Variants in DGKK observed in about 807,000 individuals in gnomAD.
DGKK encodes the protein 142 kDa diacylglycerol kinase.
Under a neutral mutation model 92.2 loss-of-function variants are expected in DGKK, and 35 were observed. The ratio of observed to expected loss-of-function variants is 0.38; its 90% CI spans 0.29 to 0.50. The LOEUF (loss-of-function observed/expected upper bound fraction) is 0.50. Ranked by LOEUF, DGKK falls within the 20% of genes least tolerant of loss-of-function variation. The pLI is 0.92. For synonymous variants in DGKK, 368 were observed against 360.6 expected, an observed-to-expected ratio of 1.02 and a Z score of -0.23; for missense variants, 910 against 992.2, an observed-to-expected ratio of 0.92 and a Z score of 1.11.
At chrX:50,385,947 A>G (rs782689060) in intron 15 of DGKK, among the ~76,000 whole-genome samples, 2 of 112,096 alleles carry the variant, frequency 1.8e-5, no homozygotes, top group Admixed American at 1.9e-4. Context: ...TGTGCAACAC[A>G]TGCAGAGTTG....
At chrX:50,408,636 G>A (rs1205687769) in intron 4 of DGKK, among the ~76,000 whole-genome samples, 1 of 111,120 alleles carries the variant, frequency 9.0e-6, no homozygotes, top group Non-Finnish European at 1.9e-5. Context: ...GCCCGCCTCG[G>A]CCTCCCAAAG....
intron 9 of DGKK, among the ~76,000 whole-genome samples, chrX:50,392,863 T>C (rs1924736190): frequency 8.9e-6 from 1 of 112,260 alleles, no homozygotes; most frequent in Non-Finnish European, 1.9e-5. Context: ...CATTTGTCTC[T>C]TTCTCTCAGG....
At chrX:50,423,001 G>A (rs1353755752) in intron 2 of DGKK, among the ~76,000 whole-genome samples, 1 of 112,130 alleles carries the variant, frequency 8.9e-6, no homozygotes, top group Non-Finnish European at 1.9e-5. Context: ...CTAGCCAGCA[G>A]CAGGAAATCA....
chrX:50,430,852 A>G (rs1220710523), intron 1 of DGKK, among the ~76,000 whole-genome samples: 1 of 111,638 alleles, frequency 9.0e-6, no homozygotes, highest in East Asian at 2.8e-4. Context: ...TATTTATAAA[A>G]TATCTTCTAT....
intron 8 of DGKK, among the ~76,000 whole-genome samples, chrX:50,397,200 T>C (rs1924874956): frequency 9.0e-6 from 1 of 111,696 alleles, no homozygotes; most frequent in Admixed American, 9.5e-5. Context: ...AAAGAACCTT[T>C]CAAAAAAAGC....
chrX:50,461,649 T>C (rs993837135), intron 1 of DGKK, among the ~76,000 whole-genome samples: 1 of 112,059 alleles, frequency 8.9e-6, no homozygotes, highest in Non-Finnish European at 1.9e-5. Context: ...ATATTTGTTT[T>C]GGTAATTGAG....
intron 1 of DGKK, among the ~76,000 whole-genome samples, chrX:50,439,336 T>C (rs1045352373): frequency 3.6e-5 from 4 of 111,395 alleles, no homozygotes; most frequent in Non-Finnish European, 5.7e-5. Flanking sequence ...TCATCACTTA[T>C]TAGGTGTGTG....
chrX:50,429,255 A>T (rs1925820736), intron 1 of DGKK, among the ~76,000 whole-genome samples: 1 of 111,140 alleles, frequency 9.0e-6, no homozygotes, highest in South Asian at 3.8e-4. Flanking sequence ...ATGCTAGTGG[A>T]CTCTGTGCTT....
rs782791980 is a variant in DGKK, at chrX:50,440,970, C to G, written c.646-16612G>C. Among the ~76,000 whole-genome samples the G allele has an allele frequency of 2.7e-5, 3 of 111,642 alleles. No homozygotes were observed. The South Asian group carries it at 1.1e-3, about 42-fold the overall frequency. The stretch of plus-strand genomic sequence containing the variant: ...AGAGAAATTAGCTATAAGGGAACAA[C>G]CCATTTGCCTTCAATCCTCATGGCT... On this transcript the variant is annotated intron_variant, in intron 1 of 27. Transcript: ENST00000611977.
chrX:50,457,234 A>T (rs1292409003), intron 1 of DGKK, among the ~76,000 whole-genome samples: 1 of 111,221 alleles, frequency 9.0e-6, no homozygotes, highest in Non-Finnish European at 1.9e-5. Flanking sequence ...GCTCATTAAC[A>T]CCTATACCAC....
intron 18 of DGKK, among the ~76,000 whole-genome samples, chrX:50,381,161 T>A (rs1390537393): frequency 8.9e-6 from 1 of 112,080 alleles, no homozygotes; most frequent in Non-Finnish European, 1.9e-5. Flanking sequence ...GGGGAAAGGA[T>A]AGCTGTTTTG....
At chrX:50,438,166 G>A (rs1926082258) in intron 1 of DGKK, among the ~76,000 whole-genome samples, 1 of 110,712 alleles carries the variant, frequency 9.0e-6, no homozygotes, top group Non-Finnish European at 1.9e-5. Flanking sequence ...CTCACTAACA[G>A]CAATGTACAC....
At chrX:50,445,121 CTTT>C (rs57163220) in intron 1 of DGKK, among the ~76,000 whole-genome samples, 1 of 67,488 alleles carries the variant, frequency 1.5e-5, no homozygotes, top group Non-Finnish European at 2.7e-5. Context: ...CCTTTGCCCA[CTTT>C]TTTTTTTTTT....
In DGKK at chrX:50,382,484, T is replaced by A; in HGVS notation, c.2657+12A>T. ...GTGTTTGCATGTAGGGAAGGGAGTTTCTTTTCCTTACTTGTATTGCCCTGG... is the reference window on the plus strand; with the variant it reads ...GTGTTTGCATGTAGGGAAGGGAGTTACTTTTCCTTACTTGTATTGCCCTGG... On this transcript the variant is annotated intron_variant, in intron 18 of 27. Transcript: ENST00000611977. 2.6e-6 allele frequency: 3 copies of A among 1,173,816 alleles called. No individual in the cohort carries two copies. The highest frequency in any genetic ancestry group is 3.5e-6 in the Non-Finnish European group (3 of 865,911).
intron 1 of DGKK, among the ~76,000 whole-genome samples, chrX:50,435,968 C>T (rs1926012880): frequency 9.0e-6 from 1 of 111,521 alleles, no homozygotes; most frequent in Non-Finnish European, 1.9e-5. Context: ...AGAGGATTGT[C>T]CCTGGCTGAA....
rs1243006307 is a variant in DGKK, at chrX:50,389,908, C to T, written c.1926+420G>A. ...CTTGTGAAATGGCACTCCTTCTGAGCGGCTTTCCCTGATTTCCCCAGACTG... is the reference window on the plus strand; with the variant it reads ...CTTGTGAAATGGCACTCCTTCTGAGTGGCTTTCCCTGATTTCCCCAGACTG... On this transcript the variant is annotated intron_variant, in intron 12 of 27. Transcript: ENST00000611977. 3.6e-5 allele frequency among the ~76,000 whole-genome samples: 4 copies of T among 111,319 alleles called. 1 individual carries two copies. The highest frequency in any genetic ancestry group is 2.9e-4 in the Admixed American group (3 of 10,520).
At chrX:50,468,625 CCTT>C (rs1314929765) in intron 1 of DGKK, among the ~76,000 whole-genome samples, 1 of 111,465 alleles carries the variant, frequency 9.0e-6, no homozygotes, top group East Asian at 2.8e-4. Flanking sequence ...TTCATTTTAG[CCTT>C]CTTTTTCAGT....
intron 1 of DGKK, among the ~76,000 whole-genome samples, chrX:50,456,450 G>A (rs781796997): frequency 5.4e-5 from 6 of 111,627 alleles, no homozygotes; most frequent in Non-Finnish European, 1.1e-4. Context: ...CAATTAAAGT[G>A]AAAAGCCTAC....
In DGKK at chrX:50,378,501, T is replaced by G. The variant is rs782098629; in HGVS notation, c.2976+77A>C. 8.6e-6 allele frequency: 8 copies of G among 925,542 alleles called. No homozygotes were observed. In the African/African-American group the frequency reaches 1.4e-4, roughly 16 times the overall value. The allele number at this position is 925,542 out of a possible 1,213,427, so 76.3% of individuals were successfully genotyped here. A position where few individuals can be genotyped will look rare whatever the true frequency, so the allele number is the denominator to read the frequency against. ...CCTGGCATTCTTCTACCCAGTTAAT[T>G]CCTGGGACTATCCCACATCCTGGGT... On this transcript the variant is annotated intron_variant, in intron 21 of 27. Transcript: ENST00000611977.
Sources: allele counts gnomAD v4.1 joint callset (sites outside exome capture counted in the v4.1 genomes callset), GRCh38; gene constraint gnomAD v4.1.1; transcripts MANE v1.5; gene names NCBI Gene and HGNC (gene_info 2026-07-23, HGNC 2026-07-21).